Variants in SOS1 observed in about 807,000 individuals in gnomAD.
SOS1 encodes SOS Ras/Rac guanine nucleotide exchange factor 1.
SOS1 carries 25 observed loss-of-function variants against 157.6 expected under a neutral mutation model. That is an observed-to-expected ratio of 0.16 (90% CI 0.12 to 0.22). The LOEUF is 0.22. Ranked by LOEUF, SOS1 falls within the 10% of genes least tolerant of loss-of-function variation. The pLI is 1.00. For missense variants in SOS1, 1,237 were observed against 1,599.1 expected (o/e 0.77, Z 3.86); for synonymous variants, 528 against 534.0 (o/e 0.99, Z 0.16).
At chr2:38,991,149 G>A (rs1488423864) in intron 20 of SOS1, among the ~76,000 whole-genome samples, 6 of 151,268 alleles carry the variant, frequency 4.0e-5, no homozygotes, top group Non-Finnish European at 7.4e-5. Flanking sequence ...ATACAGTCAG[G>A]GTTGAAACCA....
chr2:39,020,949 T>A (rs1669775491), intron 10 of SOS1, among the ~76,000 whole-genome samples: 1 of 151,488 alleles, frequency 6.6e-6, no homozygotes, highest in Admixed American at 6.6e-5. Flanking sequence ...CAAAAAATTA[T>A]TGGAAGGAAT....
intron 1 of SOS1, among the ~76,000 whole-genome samples, chr2:39,094,104 A>C (rs566648396): frequency 7.9e-5 from 12 of 152,282 alleles, no homozygotes; most frequent in African/African-American, 2.9e-4. Flanking sequence ...AGAGATTTGC[A>C]AAAAATACTA....
intron 17 of SOS1, among the ~76,000 whole-genome samples, chr2:39,004,113 A>G (rs1006663862): frequency 6.6e-6 from 1 of 152,126 alleles, no homozygotes; most frequent in African/African-American, 2.4e-5. Context: ...GATACAATAC[A>G]TATTAAAGAA....
At chr2:39,104,861 G>C (rs1396390448) in intron 1 of SOS1, among the ~76,000 whole-genome samples, 1 of 152,152 alleles carries the variant, frequency 6.6e-6, no homozygotes, top group African/African-American at 2.4e-5. Flanking sequence ...ATCTAGAAGA[G>C]GTAAATTGGT....
At chr2:39,007,239 AT>A in intron 15 of SOS1, 46 bp from the exon 16 acceptor site, 1 of 1,194,490 alleles carries the variant, frequency 8.4e-7, no homozygotes, top group Non-Finnish European at 1.3e-6. Flanking sequence ...AGTTTTTCCA[AT>A]AAAGTTATAG....
chr2:39,093,631 T>C (rs991399169), intron 1 of SOS1, among the ~76,000 whole-genome samples: 1 of 152,186 alleles, frequency 6.6e-6, no homozygotes, highest in African/African-American at 2.4e-5. Flanking sequence ...AGACACGAGA[T>C]TGTTTAGAGG....
At chr2:39,122,077 A>G (rs943748078), upstream of SOS1, among the ~76,000 whole-genome samples, 4 of 152,176 alleles carry the variant, frequency 2.6e-5, no homozygotes, top group African/African-American at 7.2e-5. Flanking sequence ...GTGGTTCTTA[A>G]TCTTTACAGG....
Position 39,085,945 on chromosome 2 carries a change from A to G in SOS1, c.88-18192T>C, listed in dbSNP as rs186917026. Among the ~76,000 whole-genome samples the G allele has an allele frequency of 2.8e-3, 427 of 152,378 alleles. 5 individuals are homozygous for G. Among genetic ancestry groups the G allele is most frequent in the African/African-American group, 1.0e-2 (414 of 41,584 alleles). On this transcript the variant is annotated intron_variant, in intron 1 of 22. Transcript: ENST00000402219. ...TAATAAACAAAAGTATAACTATGTA[A>G]GAGGCAGAGTAGTAAAAAGGTTAAG...
chr2:39,118,309 T>A (rs964628804), intron 1 of SOS1, among the ~76,000 whole-genome samples: 1 of 151,984 alleles, frequency 6.6e-6, no homozygotes, highest in African/African-American at 2.4e-5. Context: ...CAATAACAAA[T>A]CAAAGGAAGA....
intron 2 of SOS1, among the ~76,000 whole-genome samples, chr2:39,065,182 T>C (rs1291365364): frequency 1.3e-5 from 2 of 152,188 alleles, no homozygotes; most frequent in Admixed American, 1.3e-4. Context: ...GCTTTGTAAG[T>C]GTATTAAAGA....
intron 2 of SOS1, among the ~76,000 whole-genome samples, chr2:39,062,251 C>T (rs1019089058): frequency 6.6e-6 from 1 of 151,476 alleles, no homozygotes; most frequent in African/African-American, 2.4e-5. Flanking sequence ...AACCCTGTCT[C>T]TACTAAAAAT....
At chr2:39,042,491 C>A (rs1670605441) in intron 6 of SOS1, among the ~76,000 whole-genome samples, 1 of 152,162 alleles carries the variant, frequency 6.6e-6, no homozygotes. Flanking sequence ...GCAACCTCCG[C>A]CTCCTGGGTT....
chr2:39,018,081 C>T (rs548951054), intron 10 of SOS1, among the ~76,000 whole-genome samples: 2 of 151,964 alleles, frequency 1.3e-5, no homozygotes, highest in Non-Finnish European at 2.9e-5. Context: ...TATTCTAAAA[C>T]CATGTTGCAG....
intron 15 of SOS1, among the ~76,000 whole-genome samples, chr2:39,008,296 C>G (rs1669344570): frequency 3.3e-5 from 5 of 152,268 alleles, no homozygotes; most frequent in Admixed American, 3.3e-4. Context: ...CCTCAGGCTG[C>G]AGTAGCATCC....
chr2:39,049,088 T>G (rs1360218568), intron 6 of SOS1, among the ~76,000 whole-genome samples: 1 of 152,088 alleles, frequency 6.6e-6, no homozygotes, highest in Non-Finnish European at 1.5e-5. Context: ...CGGCTAATTT[T>G]TGTATTTTTA....
In SOS1 at chr2:38,985,662, A is replaced by G. The variant is rs1019814060; in HGVS notation, c.*162T>C. The G allele has an allele frequency of 1.2e-6, 1 of 833,270 alleles. No individual in the cohort carries two copies. Among genetic ancestry groups the G allele is most frequent in the African/African-American group, 1.7e-5 (1 of 59,150 alleles). The allele number at this position is 833,270 out of a possible 1,614,324, so 51.6% of individuals were successfully genotyped here. A position where few individuals can be genotyped will look rare whatever the true frequency, so the allele number is the denominator to read the frequency against. Reference sequence around the variant, plus strand: ...ACTGGAATACCATTTCCATTGTATAATTACATCTAGGTTAAAATTCATTGT... The same window carrying G: ...ACTGGAATACCATTTCCATTGTATAGTTACATCTAGGTTAAAATTCATTGT... On this transcript the variant is annotated 3_prime_UTR_variant, in exon 23 of 23. Transcript: ENST00000402219.
chr2:39,011,717 G>A lies in SOS1; in HGVS notation c.2390+409C>T, dbSNP rs1431681401. Among the ~76,000 whole-genome samples, 3 of 152,158 alleles carry A rather than the reference G, an allele frequency of 2.0e-5. No individual in the cohort carries two copies. In the East Asian group the frequency reaches 5.8e-4, roughly 29 times the overall value. On this transcript the variant is annotated intron_variant, in intron 14 of 22. Transcript: ENST00000402219. ...TAAAGCAGTAGCTAACATTTATTGA[G>A]CCCTTACTTTGTGCTAGGTAATGTA...
intron 1 of SOS1, among the ~76,000 whole-genome samples, chr2:39,077,631 T>G (rs772982219): frequency 6.6e-6 from 1 of 152,112 alleles, no homozygotes. Context: ...AAGATATTAG[T>G]GCAGAAACAG....
chr2:39,053,652 T>C (rs982160640), intron 5 of SOS1, among the ~76,000 whole-genome samples: 6 of 152,200 alleles, frequency 3.9e-5, no homozygotes, highest in Non-Finnish European at 5.9e-5. Context: ...CAGTCATTTA[T>C]GGCTGTGTGG....
Sources: gnomAD v4.1 joint callset for allele counts (sites outside exome capture counted in the v4.1 genomes callset) on GRCh38, gnomAD v4.1.1 for gene constraint, MANE v1.5 for transcripts, NCBI Gene and HGNC (gene_info 2026-07-23, HGNC 2026-07-21) for gene names.